ZC3HC1: variants seen among roughly 807,000 people sequenced by gnomAD.
ZC3HC1 encodes the protein zinc finger C3HC-type containing 1, also known as zinc finger C3HC-type protein 1.
A neutral mutation model predicts 61.9 loss-of-function variants in ZC3HC1; 38 were observed. The ratio of observed to expected loss-of-function variants is 0.61; its 90% CI spans 0.47 to 0.81. ZC3HC1 has a LOEUF of 0.81. Among genes scored for constraint, ZC3HC1 ranks in the 30% least tolerant of loss-of-function variants. The pLI is 0.00. For missense variants in ZC3HC1, 554 were observed against 622.7 expected (o/e 0.89, Z 1.17); for synonymous variants, 213 against 229.9 (o/e 0.93, Z 0.67).
At chr7:130,032,180 C>T (rs554150769) in intron 4 of ZC3HC1, among the ~76,000 whole-genome samples, 22 of 149,484 alleles carry the variant, frequency 1.5e-4, no homozygotes, top group East Asian at 6.0e-4. Context: ...GCCGAGACCA[C>T]GCCATTGCAC....
intron 4 of ZC3HC1, among the ~76,000 whole-genome samples, chr7:130,029,827 A>G (rs1794097727): frequency 6.6e-6 from 1 of 152,232 alleles, no homozygotes. Flanking sequence ...ATAACTACCA[A>G]GTTATAACTT....
intron 4 of ZC3HC1, among the ~76,000 whole-genome samples, chr7:130,037,506 G>A (rs892907823): frequency 6.6e-6 from 1 of 152,066 alleles, no homozygotes; most frequent in African/African-American, 2.4e-5. Flanking sequence ...AGACAAGGAT[G>A]GAATCAAATC....
In ZC3HC1 at chr7:130,048,143, GTTTTTTTTTTT is replaced by G. The variant is rs11364921; in HGVS notation, c.258+879_258+889del. Among the ~76,000 whole-genome samples, 5 of 73,736 alleles carry G rather than the reference GTTTTTTTTTTT, an allele frequency of 6.8e-5. No individual in the cohort carries two copies. The East Asian group carries it at 1.7e-3, about 25-fold the overall frequency. 48.4% of individuals were successfully genotyped at this position (73,736 alleles called of 152,430 possible). The stretch of plus-strand genomic sequence containing the variant: ...TTTGGAAGTGGACCCTTTCCTAGTT[GTTTTTTTTTTT>G]TTTTTTTTTTTTTGACACGGAGTCT... On this transcript the variant is annotated intron_variant, in intron 2 of 9. Coordinates refer to ENST00000358303, the MANE Select transcript of ZC3HC1 (RefSeq NM_016478.5).
chr7:130,040,089 C>T (rs1280808777), intron 3 of ZC3HC1, among the ~76,000 whole-genome samples: 1 of 143,694 alleles, frequency 7.0e-6, no homozygotes, highest in Non-Finnish European at 1.5e-5. Flanking sequence ...CACTCTTCGT[C>T]TAGAAGTATA....
chr7:130,035,680 C>T (rs1158287704), intron 4 of ZC3HC1, among the ~76,000 whole-genome samples: 1 of 152,114 alleles, frequency 6.6e-6, no homozygotes, highest in Non-Finnish European at 1.5e-5. Flanking sequence ...GATGGGGTTT[C>T]ACCACATTGG....
At chr7:130,020,966 C>T (rs188898213) in intron 9 of ZC3HC1, among the ~76,000 whole-genome samples, 290 of 152,146 alleles carry the variant, frequency 1.9e-3, no homozygotes, top group African/African-American at 6.6e-3. Flanking sequence ...AGCGCAACCT[C>T]GGCTCACTGC....
intron 2 of ZC3HC1, among the ~76,000 whole-genome samples, chr7:130,048,516 T>C (rs1195547119): frequency 6.6e-6 from 1 of 152,142 alleles, no homozygotes; most frequent in African/African-American, 2.4e-5. Context: ...TTAAGATCAC[T>C]AAGTTTTGGG....
Position 130,046,142 on chromosome 7 carries a change from G to A in ZC3HC1, c.258+2891C>T, listed in dbSNP as rs143871410. Among the ~76,000 whole-genome samples, 13 of 152,232 alleles carry A rather than the reference G, an allele frequency of 8.5e-5. No homozygotes were observed. In the East Asian group the frequency reaches 2.1e-3, roughly 25 times the overall value. On this transcript the variant is annotated intron_variant, in intron 2 of 9. Coordinates refer to ENST00000358303, the MANE Select transcript of ZC3HC1 (RefSeq NM_016478.5). ...AGGGGAACGACATACACTGGGGCCT[G>A]TTGGAGGTGGGAGTTGGGGGAGGGA...
At chr7:130,025,981 G>A (rs1793888844) in intron 6 of ZC3HC1, among the ~76,000 whole-genome samples, 177 bp downstream of exon 6, 1 of 151,718 alleles carries the variant, frequency 6.6e-6, no homozygotes, top group Non-Finnish European at 1.5e-5. Context: ...TCCAATTCTG[G>A]TTTTGTTACT....
intron 9 of ZC3HC1, among the ~76,000 whole-genome samples, chr7:130,021,839 G>A (rs1414595917): frequency 6.6e-6 from 1 of 152,102 alleles, no homozygotes; most frequent in African/African-American, 2.4e-5. Flanking sequence ...AAGACGAACC[G>A]GTTCTATGCC....
In ZC3HC1 at chr7:130,043,974, T is replaced by C. The variant is rs568512901; in HGVS notation, c.259-2873A>G. 1.0e-5 allele frequency: 4 copies of C among 387,306 alleles called. No homozygotes were observed. The East Asian group carries it at 3.0e-4, about 29-fold the overall frequency. The allele number at this position is 387,306 out of a possible 1,614,324, so 24.0% of individuals were successfully genotyped here. A position where few individuals can be genotyped will look rare whatever the true frequency, so the allele number is the denominator to read the frequency against. ...GAGAAAACTAGAATGAATCCTGTGA[T>C]GTACAATTGCAACTGGAGATGTCAG... is the stretch of plus-strand genomic sequence containing the variant. On this transcript the variant is annotated intron_variant, in intron 2 of 9. Coordinates refer to ENST00000358303, the MANE Select transcript of ZC3HC1 (RefSeq NM_016478.5).
chr7:130,032,551 CAGG>C (rs890568206), intron 4 of ZC3HC1, among the ~76,000 whole-genome samples: 3 of 151,268 alleles, frequency 2.0e-5, no homozygotes, highest in African/African-American at 7.3e-5. Context: ...GAGGCTGAGG[CAGG>C]AGGATTGCTT....
rs780479897 is a variant in ZC3HC1 at position 130,051,210 on chromosome 7, C to A, written c.146+11G>T. ...TCCAACGCCGGACCCAGGGTTAACTCGTGAACTCACGCGTCCACGCCTCCC... is the reference window on the plus strand; with the variant it reads ...TCCAACGCCGGACCCAGGGTTAACTAGTGAACTCACGCGTCCACGCCTCCC... On this transcript the variant is annotated intron_variant, in intron 1 of 9. Transcript: ENST00000358303. 31 of 1,603,128 alleles carry A rather than the reference C, an allele frequency of 1.9e-5. No individual in the cohort carries two copies. In the Admixed American group the frequency reaches 5.2e-4, roughly 27 times the overall value.
chr7:130,039,747 A>T, intron 3 of ZC3HC1, 200 bp from the exon 4 acceptor site: 1 of 465,148 alleles, frequency 2.1e-6, no homozygotes, highest in Non-Finnish European at 3.8e-6. Context: ...GATACCATGT[A>T]TCTTATTTTT....
At position 130,023,168 on chromosome 7, in the gene ZC3HC1, C is replaced by T. The variant is rs1793723676; in HGVS notation, c.1233+343G>A. 1 of 288,748 alleles carries T rather than the reference C, an allele frequency of 3.5e-6. No individual in the cohort carries two copies. Among genetic ancestry groups the T allele is most frequent in the South Asian group, 5.6e-5 (1 of 17,820 alleles). 17.9% of individuals were successfully genotyped at this position (288,748 alleles called of 1,614,324 possible). A position where few individuals can be genotyped will look rare whatever the true frequency, so the allele number is the denominator to read the frequency against. On this transcript the variant is annotated intron_variant, in intron 8 of 9. Transcript: ENST00000358303. The surrounding 1 kb of genome is among the most constrained non-coding windows in gnomAD (Gnocchi z 4.2). The stretch of plus-strand genomic sequence containing the variant: ...TGTGCTCGTATCATCCCGAAACCAT[C>T]CTCCCAACCGTGGTCCGTGGAAAAA...
At chr7:130,043,967 C>A in intron 2 of ZC3HC1, 2 of 402,854 alleles carry the variant, frequency 5.0e-6, no homozygotes, top group East Asian at 7.3e-5. Context: ...TAGAATGAAT[C>A]CTGTGATGTA....
chr7:130,037,768 C>G (rs1393691368), intron 4 of ZC3HC1, among the ~76,000 whole-genome samples: 1 of 152,104 alleles, frequency 6.6e-6, no homozygotes, highest in Non-Finnish European at 1.5e-5. Flanking sequence ...GCCTGCCATC[C>G]TACTGAAATA....
intron 6 of ZC3HC1, among the ~76,000 whole-genome samples, chr7:130,024,711 G>A (rs2116668817): frequency 6.6e-6 from 1 of 152,066 alleles, no homozygotes; most frequent in Non-Finnish European, 1.5e-5. Flanking sequence ...CGGGTTCTTA[G>A]TGTGCTCTCT....
At chr7:130,024,662 T>C (rs766439601) in intron 6 of ZC3HC1, among the ~76,000 whole-genome samples, 156 bp from the exon 7 acceptor site, 4 of 152,164 alleles carry the variant, frequency 2.6e-5, no homozygotes, top group Non-Finnish European at 5.9e-5. Context: ...CCCAGCTTCA[T>C]ACTTCATCAT....
Sources: gnomAD v4.1 joint callset for allele counts (sites outside exome capture counted in the v4.1 genomes callset) on GRCh38, gnomAD v4.1.1 for gene constraint, Gnocchi (gnomAD v3.1) non-coding constraint, MANE v1.5 for transcripts, NCBI Gene and HGNC (gene_info 2026-07-23, HGNC 2026-07-21) for gene names.